The following PRKG1 variants were observed in gnomAD, a reference collection of about 807,000 sequenced individuals.
The protein encoded by PRKG1 is protein kinase cGMP-dependent 1.
PRKG1 carries 35 observed loss-of-function variants against 88.1 expected under a neutral mutation model. The ratio of observed to expected loss-of-function variants is 0.40; its 90% confidence interval spans 0.30 to 0.53. The LOEUF (loss-of-function observed/expected upper bound fraction) is 0.53. Among genes scored for constraint, PRKG1 ranks in the 20% least tolerant of loss-of-function variants. The pLI is 0.59. For synonymous variants in PRKG1, 303 were observed against 292.5 expected (o/e 1.04, Z -0.37); for missense variants, 540 against 839.8 (o/e 0.64, Z 4.41).
At chr10:51,455,511 C>T (rs376163963) in intron 2 of PRKG1, among the ~76,000 whole-genome samples, 45 of 152,300 alleles carry the variant, frequency 3.0e-4, no homozygotes, top group African/African-American at 1.1e-3. Flanking sequence ...ATGCTTTTAA[C>T]AGCACCTAAG....
chr10:52,153,977 T>A (rs1948838), intron 8 of PRKG1, among the ~76,000 whole-genome samples: 45,775 of 151,974 alleles, frequency 0.3, 7,114 homozygotes, highest in East Asian at 0.4. Context: ...ACTCCTGACC[T>A]CAAGTGATCC....
intron 2 of PRKG1, among the ~76,000 whole-genome samples, chr10:51,446,053 C>T (rs907658797): frequency 3.9e-5 from 6 of 151,908 alleles, no homozygotes; most frequent in Admixed American, 3.3e-4. Context: ...ATTAATCCAA[C>T]GGTCCTGAAT....
intron 3 of PRKG1, among the ~76,000 whole-genome samples, chr10:51,500,899 C>G (rs1054364312): frequency 4.6e-5 from 7 of 152,144 alleles, no homozygotes; most frequent in African/African-American, 1.4e-4. Context: ...TTTAAAGTGA[C>G]TGTCCATTGA....
rs115622799 is a variant in PRKG1, at chr10:52,117,497, A to G, written c.936-16343A>G. ...GGGGATGGTTTTGGTGTGAGGGTTG[A>G]GGGATGACCCAAGAATGAACAGCAG... On this transcript the variant is annotated intron_variant, in intron 7 of 17. Coordinates refer to ENST00000373980, the MANE Select transcript of PRKG1 (RefSeq NM_006258.4). Among the ~76,000 whole-genome samples, 1,436 of 152,168 alleles carry G rather than the reference A, an allele frequency of 9.4e-3. 28 individuals carry two copies. Among genetic ancestry groups the G allele is most frequent in the African/African-American group, 0.032 (1,333 of 41,500 alleles).
At chr10:51,163,013 A>C (rs9414837) in intron 2 of PRKG1, among the ~76,000 whole-genome samples, 2 of 152,078 alleles carry the variant, frequency 1.3e-5, no homozygotes, top group African/African-American at 2.4e-5. Context: ...TCCACCAAGC[A>C]GACCTGCAAA....
intron 3 of PRKG1, among the ~76,000 whole-genome samples, chr10:51,622,880 T>C (rs981352495): frequency 6.6e-6 from 1 of 152,256 alleles, no homozygotes. Flanking sequence ...GTTTCATTCA[T>C]AGTGCTAAGA....
At chr10:51,140,556 T>C (rs1346559240) in intron 1 of PRKG1, among the ~76,000 whole-genome samples, 1 of 152,210 alleles carries the variant, frequency 6.6e-6, no homozygotes, top group Non-Finnish European at 1.5e-5. Context: ...GATTTGTTTC[T>C]AAGTTTCCAT....
rs564890347 is a variant in PRKG1, at chr10:51,368,316, G to GT, written c.479-99406dup. On this transcript the variant is annotated intron_variant, in intron 2 of 17. Coordinates refer to ENST00000373980, the MANE Select transcript of PRKG1 (RefSeq NM_006258.4). ...TTTTTCGTCTTCCTTGTAGAGGACT[G>GT]TCAAGAATACAAGAAATTTTACAGC... Among the ~76,000 whole-genome samples the GT allele has an allele frequency of 3.8e-4, 58 of 152,062 alleles. No homozygotes were observed. In the South Asian group the frequency reaches 0.011, roughly 28 times the overall value.
intron 3 of PRKG1, among the ~76,000 whole-genome samples, chr10:51,652,943 A>G (rs1246793581): frequency 6.6e-6 from 1 of 152,062 alleles, no homozygotes; most frequent in African/African-American, 2.4e-5. Context: ...TTTAGCTTCC[A>G]TATATAAGTG....
In PRKG1 at chr10:51,481,260, CTT is replaced by C. The variant is rs1268287533; in HGVS notation, c.592+13426_592+13427del. Reference sequence around the variant, plus strand: ...TCTTGCTCTCTCTGTCTCTTTCTGTCTTTCTTTCTTTCTTTCTCACTCTGTCA... The same window carrying C: ...TCTTGCTCTCTCTGTCTCTTTCTGTCTCTTTCTTTCTTTCTCACTCTGTCA... On this transcript the variant is annotated intron_variant, in intron 3 of 17. Transcript: ENST00000373980. Among the ~76,000 whole-genome samples the C allele has an allele frequency of 1.7e-4, 23 of 134,464 alleles. No individual in the cohort carries two copies. The East Asian group carries it at 4.3e-3, about 25-fold the overall frequency. The allele number at this position is 134,464 out of a possible 152,430, so 88.2% of individuals were successfully genotyped here. A position where few individuals can be genotyped will look rare whatever the true frequency, so the allele number is the denominator to read the frequency against.
chr10:51,400,257 A>G (rs1837700584), intron 2 of PRKG1, among the ~76,000 whole-genome samples: 1 of 152,366 alleles, frequency 6.6e-6, no homozygotes, highest in South Asian at 2.1e-4. Context: ...AAACAAGAAT[A>G]TAAACAAGGA....
intron 3 of PRKG1, among the ~76,000 whole-genome samples, chr10:51,558,331 C>A (rs1316603575): frequency 6.6e-6 from 1 of 151,952 alleles, no homozygotes; most frequent in Non-Finnish European, 1.5e-5. Context: ...CTAATCTTCA[C>A]CAGGAATCAA....
chr10:51,612,002 G>C (rs1838923130), intron 3 of PRKG1, among the ~76,000 whole-genome samples: 1 of 151,940 alleles, frequency 6.6e-6, no homozygotes, highest in Non-Finnish European at 1.5e-5. Flanking sequence ...CAATTTGTCT[G>C]TTTTTGTGTC....
chr10:51,581,892 C>T (rs897170004), intron 3 of PRKG1, among the ~76,000 whole-genome samples: 1 of 151,802 alleles, frequency 6.6e-6, no homozygotes, highest in Non-Finnish European at 1.5e-5. Context: ...CATACTCTAC[C>T]TAGTTCATCT....
At chr10:51,751,443 G>A (rs769428761) in intron 3 of PRKG1, among the ~76,000 whole-genome samples, 1 of 152,116 alleles carries the variant, frequency 6.6e-6, no homozygotes, top group South Asian at 2.1e-4. Flanking sequence ...GGCCAGGCAG[G>A]TCTTGAACTC....
intron 9 of PRKG1, among the ~76,000 whole-genome samples, chr10:52,189,361 T>C (rs1839304635): frequency 6.6e-6 from 1 of 152,160 alleles, no homozygotes; most frequent in African/African-American, 2.4e-5. Context: ...GTTCCACTCA[T>C]TCATCCCAGA....
At chr10:51,108,641 A>C (rs182804171) in intron 1 of PRKG1, among the ~76,000 whole-genome samples, 9 of 152,322 alleles carry the variant, frequency 5.9e-5, no homozygotes, top group Admixed American at 5.9e-4. Flanking sequence ...CATAAAGGGC[A>C]GTTACAAAAC....
chr10:51,290,415 G>A (rs1412908919), intron 2 of PRKG1, among the ~76,000 whole-genome samples: 6 of 152,122 alleles, frequency 3.9e-5, no homozygotes, highest in African/African-American at 1.4e-4. Flanking sequence ...CTTGAGCCCA[G>A]GATTTCCAAA....
intron 3 of PRKG1, among the ~76,000 whole-genome samples, chr10:51,510,842 G>A (rs963742972): frequency 6.7e-5 from 10 of 149,326 alleles, no homozygotes; most frequent in Non-Finnish European, 1.2e-4. Flanking sequence ...CTCCCAGGTT[G>A]AAGCAATTCT....
Sources: gnomAD v4.1 joint callset for allele counts (sites outside exome capture counted in the v4.1 genomes callset) on GRCh38, gnomAD v4.1.1 for gene constraint, MANE v1.5 for transcripts, NCBI Gene and HGNC (gene_info 2026-07-23, HGNC 2026-07-21) for gene names.